FGD4: variants seen among roughly 807,000 people sequenced by gnomAD.
FGD4 encodes the protein FYVE, RhoGEF and PH domain containing 4, also known as FYVE, RhoGEF and PH domain-containing protein 4.
FGD4 carries 42 observed loss-of-function variants against 102.0 expected under a neutral mutation model. The ratio of observed to expected loss-of-function variants is 0.41; its 90% CI spans 0.32 to 0.53. FGD4 has a LOEUF of 0.53. Ranked by LOEUF, FGD4 falls within the 20% of genes least tolerant of loss-of-function variation. The pLI is 0.21. For missense variants in FGD4, 902 were observed against 1,078.2 expected, an observed-to-expected ratio of 0.84 and a Z score of 2.29; for synonymous variants, 380 against 375.7, an observed-to-expected ratio of 1.01 and a Z score of -0.13.
intron 1 of FGD4, among the ~76,000 whole-genome samples, chr12:32,531,233 G>A (rs1941788738): frequency 6.6e-6 from 1 of 152,020 alleles, no homozygotes; most frequent in South Asian, 2.1e-4. Flanking sequence ...ATAGCTGTGA[G>A]CCACTCCACC....
chr12:32,498,673 G>A lies in FGD4; in HGVS notation c.167-65464G>A, dbSNP rs1042907043. 2.6e-5 allele frequency among the ~76,000 whole-genome samples: 4 copies of A among 152,180 alleles called. No homozygotes were observed. In the South Asian group the frequency reaches 8.3e-4, roughly 32 times the overall value. On this transcript the variant is annotated intron_variant, in intron 1 of 16. Coordinates refer to ENST00000534526, the MANE Select transcript of FGD4 (RefSeq NM_001370298.3). ...GGCTGGAGTGCAGTGATGCGATCTT[G>A]GCTTACTGCAACCACTGCCTCCTGG...
chr12:32,467,684 T>C (rs1019045762), intron 1 of FGD4, among the ~76,000 whole-genome samples: 1 of 152,196 alleles, frequency 6.6e-6, no homozygotes, highest in African/African-American at 2.4e-5. Context: ...TGTATTTTTT[T>C]AATTGTTTTC....
At chr12:32,546,811 AAAG>A (rs1020973058) in intron 1 of FGD4, among the ~76,000 whole-genome samples, 8 of 152,238 alleles carry the variant, frequency 5.3e-5, no homozygotes, top group African/African-American at 1.9e-4. Flanking sequence ...AACAAGAGGA[AAAG>A]AAGAAGGTCA....
At chr12:32,618,555 A>G (rs1949588407) in intron 10 of FGD4, among the ~76,000 whole-genome samples, 1 of 152,198 alleles carries the variant, frequency 6.6e-6, no homozygotes, top group African/African-American at 2.4e-5. Flanking sequence ...ATTGCTGACC[A>G]GATGCTATGT....
At chr12:32,568,647 ATTG>A (rs879765083) in intron 2 of FGD4, among the ~76,000 whole-genome samples, 15 of 152,242 alleles carry the variant, frequency 9.9e-5, no homozygotes, top group Admixed American at 4.6e-4. Flanking sequence ...AAAGAGCCAC[ATTG>A]TTGTTTGAGT....
intron 1 of FGD4, among the ~76,000 whole-genome samples, chr12:32,432,340 G>T (rs1211248496): frequency 8.7e-6 from 1 of 115,260 alleles, no homozygotes; most frequent in Non-Finnish European, 2.1e-5. Flanking sequence ...GATTACAGGC[G>T]TGAGCCACCG....
chr12:32,450,576 C>T (rs549453117), intron 1 of FGD4, among the ~76,000 whole-genome samples: 4 of 152,142 alleles, frequency 2.6e-5, no homozygotes, highest in Admixed American at 6.5e-5. Context: ...CTAGAATCAG[C>T]GATTTCTCCA....
intron 14 of FGD4, 38 bp from the exon 15 acceptor site, chr12:32,633,511 T>TAA (rs758029456): frequency 3.8e-6 from 6 of 1,580,168 alleles, no homozygotes; most frequent in Non-Finnish European, 4.3e-6. Flanking sequence ...TCATATCCTT[T>TAA]AAATATGATT....
At chr12:32,525,113 G>A (rs1941006922) in intron 1 of FGD4, among the ~76,000 whole-genome samples, 1 of 152,140 alleles carries the variant, frequency 6.6e-6, no homozygotes, top group South Asian at 2.1e-4. Context: ...CTCCCCACCA[G>A]AGGTATCTGC....
intron 1 of FGD4, 91 bp from the exon 2 acceptor site, chr12:32,564,046 A>AGGGG: frequency 3.5e-6 from 4 of 1,146,328 alleles, no homozygotes; most frequent in Non-Finnish European, 4.7e-6. Context: ...AGGGGGAGGG[A>AGGGG]GAGGGAGTGG....
intron 10 of FGD4, among the ~76,000 whole-genome samples, chr12:32,617,941 A>G (rs1368568795): frequency 6.6e-6 from 1 of 152,222 alleles, no homozygotes; most frequent in Non-Finnish European, 1.5e-5. Context: ...TGTGATCAGA[A>G]CTATTTTAAG....
chr12:32,624,057 G>T (rs1950002882), intron 11 of FGD4, among the ~76,000 whole-genome samples: 1 of 152,148 alleles, frequency 6.6e-6, no homozygotes, highest in Admixed American at 6.5e-5. Flanking sequence ...GTGAATAGTA[G>T]CCTTTAGTAG....
chr12:32,603,579 G>A (rs995632009), intron 7 of FGD4, among the ~76,000 whole-genome samples: 6 of 152,066 alleles, frequency 3.9e-5, no homozygotes, highest in Middle Eastern at 3.4e-3. Context: ...TAGAGATGGG[G>A]TTTCACCGTG....
chr12:32,515,696 T>C (rs936630422), intron 1 of FGD4, among the ~76,000 whole-genome samples: 1 of 152,250 alleles, frequency 6.6e-6, no homozygotes, highest in Non-Finnish European at 1.5e-5. Context: ...TTCAAACAAC[T>C]TCATTTCCTT....
chr12:32,610,104 A>G (rs980803819), intron 8 of FGD4, among the ~76,000 whole-genome samples: 1 of 152,252 alleles, frequency 6.6e-6, no homozygotes, highest in Non-Finnish European at 1.5e-5. Flanking sequence ...ATTTGCTCAT[A>G]CAACTAGTAA....
At chr12:32,590,998 T>G (rs1477068531) in intron 4 of FGD4, among the ~76,000 whole-genome samples, 2 of 152,220 alleles carry the variant, frequency 1.3e-5, no homozygotes, top group Non-Finnish European at 2.9e-5. Context: ...AGGCTTCAGT[T>G]TGTGACAAGA....
At chr12:32,549,784 A>G (rs999960365) in intron 1 of FGD4, among the ~76,000 whole-genome samples, 1 of 152,200 alleles carries the variant, frequency 6.6e-6, no homozygotes, top group African/African-American at 2.4e-5. Context: ...AAATCCTCAC[A>G]CACAAAACAG....
intron 1 of FGD4, among the ~76,000 whole-genome samples, chr12:32,524,576 G>A (rs559996268): frequency 9.7e-4 from 147 of 151,166 alleles, no homozygotes; most frequent in Admixed American, 3.9e-3. Flanking sequence ...TGCAATCCCA[G>A]CACTTTGGGG....
intron 7 of FGD4, among the ~76,000 whole-genome samples, chr12:32,606,067 A>G (rs1046546201): frequency 4.6e-5 from 7 of 152,228 alleles, no homozygotes; most frequent in African/African-American, 1.7e-4. Flanking sequence ...GACCTTAGGA[A>G]ACGCTCCTAA....
Sources: allele counts gnomAD v4.1 joint callset (sites outside exome capture counted in the v4.1 genomes callset), GRCh38; gene constraint gnomAD v4.1.1; transcripts MANE v1.5; gene names NCBI Gene and HGNC (gene_info 2026-07-23, HGNC 2026-07-21).